Variants in VAT1L observed in about 807,000 individuals in gnomAD.
VAT1L encodes the protein vesicle amine transport 1 like.
Under a neutral mutation model 44.1 loss-of-function variants are expected in VAT1L, and 34 were observed. That is an observed-to-expected ratio of 0.77 (90% confidence interval 0.59 to 1.03). The LOEUF (loss-of-function observed/expected upper bound fraction) is 1.03, where lower values mean the gene tolerates loss of function less well. Ranked by LOEUF, VAT1L falls within the 50% of genes least tolerant of loss-of-function variation. VAT1L has a pLI of 0.00. For synonymous variants in VAT1L, 253 were observed against 202.2 expected, an observed-to-expected ratio of 1.25 and a Z score of -2.13; for missense variants, 615 against 538.8, an observed-to-expected ratio of 1.14 and a Z score of -1.40.
intron 3 of VAT1L, among the ~76,000 whole-genome samples, chr16:77,839,328 G>C (rs2016677319): frequency 6.6e-6 from 1 of 151,866 alleles, no homozygotes; most frequent in African/African-American, 2.4e-5. Flanking sequence ...GAGGTCAGGA[G>C]ATGGAGACCA....
At chr16:77,837,649 G>A (rs2016654074) in intron 3 of VAT1L, among the ~76,000 whole-genome samples, 2 of 152,194 alleles carry the variant, frequency 1.3e-5, no homozygotes, top group South Asian at 2.1e-4. Context: ...TGAAACTTAA[G>A]GGTCCAGATT....
At chr16:77,908,006 C>T (rs1345330776) in intron 7 of VAT1L, among the ~76,000 whole-genome samples, 2 of 152,070 alleles carry the variant, frequency 1.3e-5, no homozygotes, top group African/African-American at 2.4e-5. Flanking sequence ...TTTGGGAACC[C>T]GAGGCAAGTG....
chr16:77,953,075 G>A (rs2018063065), intron 7 of VAT1L, among the ~76,000 whole-genome samples: 1 of 152,084 alleles, frequency 6.6e-6, no homozygotes, highest in Non-Finnish European at 1.5e-5. Context: ...AAAAAAGAGA[G>A]AGAGAATGCC....
At chr16:77,968,753 G>C (rs1234787872) in intron 7 of VAT1L, among the ~76,000 whole-genome samples, 1 of 151,926 alleles carries the variant, frequency 6.6e-6, no homozygotes, top group South Asian at 2.1e-4. Context: ...AAAGAGCATG[G>C]GGACAGGCTC....
chr16:77,893,138 T>G (rs1475604153), intron 7 of VAT1L, among the ~76,000 whole-genome samples: 1 of 152,144 alleles, frequency 6.6e-6, no homozygotes, highest in African/African-American at 2.4e-5. Flanking sequence ...AAAAAAAGCC[T>G]CTCCCAAAAG....
intron 1 of VAT1L, among the ~76,000 whole-genome samples, chr16:77,813,280 C>A (rs1443125845): frequency 6.6e-6 from 1 of 151,872 alleles, no homozygotes; most frequent in Non-Finnish European, 1.5e-5. Context: ...ATCTCTAAAC[C>A]AACAAAGTTA....
At position 77,910,935 on chromosome 16, in the gene VAT1L, G is replaced by C. The variant is rs148327829; in HGVS notation, c.1077+26133G>C. ...TGCAATTGCTATCCCCATTTTAATA[G>C]ATGAGGCAAAAGAATAGAGAGATTA... is the stretch of plus-strand genomic sequence containing the variant. On this transcript the variant is annotated intron_variant, in intron 7 of 8. Transcript: ENST00000302536. Among the ~76,000 whole-genome samples, 325 of 152,282 alleles carry C rather than the reference G, an allele frequency of 2.1e-3. 3 individuals are homozygous for C. The South Asian group carries it at 0.021, about 10-fold the overall frequency.
chr16:77,878,463 C>T (rs1209083039), intron 5 of VAT1L, among the ~76,000 whole-genome samples: 1 of 151,976 alleles, frequency 6.6e-6, no homozygotes, highest in Non-Finnish European at 1.5e-5. Context: ...TCTCATTCCC[C>T]CCTCCCCTGC....
intron 7 of VAT1L, among the ~76,000 whole-genome samples, chr16:77,933,606 G>A (rs2017756933): frequency 6.6e-6 from 1 of 152,226 alleles, no homozygotes; most frequent in Admixed American, 6.5e-5. Context: ...GGGGAAGGCA[G>A]GTATTTTGAA....
chr16:77,830,447 A>T (rs1166033505), intron 3 of VAT1L, among the ~76,000 whole-genome samples: 4 of 152,128 alleles, frequency 2.6e-5, no homozygotes, highest in Admixed American at 6.5e-5. Flanking sequence ...CTCATCTTGA[A>T]TTATGGCTCC....
At chr16:77,921,624 T>A (rs1308792286) in intron 7 of VAT1L, among the ~76,000 whole-genome samples, 1 of 152,242 alleles carries the variant, frequency 6.6e-6, no homozygotes, top group Non-Finnish European at 1.5e-5. Flanking sequence ...TGACTTAATT[T>A]TATGTCTCTA....
Position 77,884,768 on chromosome 16 carries a change from A to G in VAT1L, c.1043A>G (p.Lys348Arg). ...LIGLYNQKKI[K>R]PVVDSLWALE... ...GGGCTCTACAACCAGAAGAAGATCA[A>G]GCCTGTGGTGGACTCCTTGTGGGCT... The change falls in exon 7 of 9, where the codon AAG becomes AGG. Residue 348 changes from lysine (K) to arginine (R), a missense_variant. Coordinates refer to ENST00000302536, the MANE Select transcript of VAT1L (RefSeq NM_020927.3). This position sits in a 1 kb window ranked among gnomAD's most constrained non-coding sequence, Gnocchi z 4.5. 1.3e-6 allele frequency: 2 copies of G among 1,571,462 alleles called. No individual in the cohort carries two copies. The highest frequency in any genetic ancestry group is 1.7e-6 in the Non-Finnish European group (2 of 1,160,440).
chr16:77,824,795 A>G (rs1418928081), intron 2 of VAT1L, among the ~76,000 whole-genome samples: 1 of 148,338 alleles, frequency 6.7e-6, no homozygotes, highest in Non-Finnish European at 1.5e-5. Flanking sequence ...AAAAATTTGG[A>G]TAGAGTTCTC....
chr16:77,915,074 G>A (rs1281194771), intron 7 of VAT1L, among the ~76,000 whole-genome samples: 2 of 152,054 alleles, frequency 1.3e-5, no homozygotes, highest in Non-Finnish European at 2.9e-5. Flanking sequence ...GCGGTGAGCC[G>A]AGATTGTGCC....
intron 4 of VAT1L, among the ~76,000 whole-genome samples, chr16:77,869,251 T>A (rs895806431): frequency 2.0e-5 from 3 of 152,182 alleles, no homozygotes; most frequent in African/African-American, 7.2e-5. Context: ...CTTTTTGTTG[T>A]TGTTAGACAA....
intron 7 of VAT1L, among the ~76,000 whole-genome samples, chr16:77,938,327 G>T (rs1400580154): frequency 6.6e-6 from 1 of 152,170 alleles, no homozygotes; most frequent in Admixed American, 6.5e-5. Context: ...ATGCACTTGG[G>T]ATATACCTAT....
chr16:77,823,270 A>G (rs2016481602), intron 2 of VAT1L, among the ~76,000 whole-genome samples: 1 of 151,998 alleles, frequency 6.6e-6, no homozygotes, highest in Non-Finnish European at 1.5e-5. Context: ...TATCTGAAAC[A>G]TCGTCATCAT....
intron 1 of VAT1L, among the ~76,000 whole-genome samples, chr16:77,793,094 T>C (rs1048889510): frequency 1.3e-5 from 2 of 152,180 alleles, no homozygotes; most frequent in Admixed American, 1.3e-4. Flanking sequence ...TAGATACTTA[T>C]ATAGTTTATT....
intron 7 of VAT1L, among the ~76,000 whole-genome samples, chr16:77,940,347 T>TTTTC (rs974782474): frequency 4.8e-5 from 7 of 145,892 alleles, no homozygotes; most frequent in Non-Finnish European, 8.9e-5. Flanking sequence ...TTGGTTTTTT[T>TTTTC]TTTTTTTTTT....
Sources: allele counts gnomAD v4.1 joint callset (sites outside exome capture counted in the v4.1 genomes callset), GRCh38; gene constraint gnomAD v4.1.1; non-coding constraint Gnocchi (gnomAD v3.1); transcripts MANE v1.5; gene names NCBI Gene and HGNC (gene_info 2026-07-23, HGNC 2026-07-21).